The following ACSF3 variants were observed in gnomAD, a reference collection of about 807,000 sequenced individuals.
ACSF3 encodes malonate--CoA ligase ACSF3, mitochondrial.
ACSF3 carries 78 observed loss-of-function variants against 53.2 expected under a neutral mutation model. That is an observed-to-expected ratio of 1.47 (90% confidence interval 1.22 to 1.77). The LOEUF is 1.77. ACSF3 is among the 40% of genes most tolerant of loss of function. ACSF3 has a pLI of 0.00. For synonymous variants in ACSF3, 414 were observed against 333.1 expected (o/e 1.24, Z -2.65); for missense variants, 937 against 771.1 (o/e 1.22, Z -2.55).
rs993833558 is a variant in ACSF3 at position 89,104,382 on chromosome 16, C to T, written c.822+1623C>T. On this transcript the variant is annotated intron_variant, in intron 4 of 10. Coordinates refer to ENST00000614302, the MANE Select transcript of ACSF3 (RefSeq NM_001243279.3). ...GGGTTGTTCTGCAGGGCAGACGTCC[C>T]GGCCAGCAGAGGCACAGCCCTAAAG... is the stretch of plus-strand genomic sequence containing the variant. Among the ~76,000 whole-genome samples, 51 of 152,196 alleles carry T rather than the reference C, an allele frequency of 3.4e-4. 1 individual carries two copies. The highest frequency in any genetic ancestry group is 1.8e-4 in the Non-Finnish European group (12 of 68,034).
intron 4 of ACSF3, among the ~76,000 whole-genome samples, chr16:89,110,328 T>C (rs1976537171): frequency 6.6e-6 from 1 of 152,202 alleles, no homozygotes; most frequent in South Asian, 2.1e-4. Flanking sequence ...ATTTTGCATA[T>C]GGTGTGAGGT....
At chr16:89,113,005 T>G (rs1347867968) in intron 5 of ACSF3, among the ~76,000 whole-genome samples, 3 of 152,182 alleles carry the variant, frequency 2.0e-5, no homozygotes, top group Non-Finnish European at 4.4e-5. Context: ...GGGGCGTGTT[T>G]GCTCTGCACT....
chr16:89,121,980 G>T (rs1191139041), intron 7 of ACSF3, among the ~76,000 whole-genome samples: 1 of 152,106 alleles, frequency 6.6e-6, no homozygotes, highest in Admixed American at 6.5e-5. Context: ...TGTCCCGCCT[G>T]GCCTGGGCCC....
intron 6 of ACSF3, 116 bp downstream of exon 6, chr16:89,114,603 C>A: frequency 1.3e-6 from 2 of 1,489,990 alleles, no homozygotes; most frequent in East Asian, 2.3e-5. Context: ...GATGCTCCCC[C>A]GTGGGACAGG....
intron 8 of ACSF3, chr16:89,141,214 G>C (rs1335424245): frequency 7.8e-7 from 1 of 1,287,250 alleles, no homozygotes; most frequent in Middle Eastern, 3.3e-4. Flanking sequence ...CTTGATAGCA[G>C]CGTCCCAGCC....
At position 89,114,369 on chromosome 16, in the gene ACSF3, C is replaced by T. The variant is rs1304451793; in HGVS notation, c.1008C>T (p.Pro336=). 2 of 1,614,100 alleles carry T rather than the reference C, an allele frequency of 1.2e-6. No homozygotes were observed. Among genetic ancestry groups the T allele is most frequent in the Admixed American group, 1.7e-5 (1 of 60,030 alleles). Residue 336 remains proline (P), a synonymous_variant, in exon 6 of 11, where the codon CCC becomes CCT. Transcript: ENST00000614302. ...RLMVSGSAAL[P]LPVLEKWKNI... is the part of the protein sequence containing the mutation. ...TGGTCTCAGGCTCAGCTGCCCTGCCCCTCCCAGTGCTGGAGAAGTGGAAGA... is the reference window on the plus strand; with the variant it reads ...TGGTCTCAGGCTCAGCTGCCCTGCCTCTCCCAGTGCTGGAGAAGTGGAAGA...
At chr16:89,114,522 A>G in intron 6 of ACSF3, 35 bp downstream of exon 6, 3 of 1,607,034 alleles carry the variant, frequency 1.9e-6, no homozygotes, top group Non-Finnish European at 2.5e-6. Flanking sequence ...TTCCTCTTCC[A>G]CTGTGCTCTG....
Position 89,100,985 on chromosome 16 carries a change from T to C in ACSF3, c.304T>C (p.Cys102Arg), listed in dbSNP as rs1567684208. ...DLREERVSFL[C>R]ANDASYVVAQ... is the part of the protein sequence containing the mutation. ...CCGGGAGGAGAGGGTCTCCTTCCTA[T>C]GCGCTAACGATGCCTCCTACGTCGT... is the stretch of plus-strand genomic sequence containing the variant. The change falls in exon 3 of 11, where the codon TGC becomes CGC. Residue 102 changes from cysteine to arginine, a missense_variant. Physicochemically the swap from Cys to Arg is radical, Grantham distance 180. Coordinates refer to ENST00000614302, the MANE Select transcript of ACSF3 (RefSeq NM_001243279.3). 2 of 1,613,546 alleles carry C rather than the reference T, an allele frequency of 1.2e-6. No individual in the cohort carries two copies. The highest frequency in any genetic ancestry group is 1.7e-6 in the Non-Finnish European group (2 of 1,179,734).
intron 6 of ACSF3, 117 bp downstream of exon 6, chr16:89,114,604 G>T: frequency 8.1e-6 from 12 of 1,482,640 alleles, no homozygotes; most frequent in Non-Finnish European, 1.0e-5. Flanking sequence ...ATGCTCCCCC[G>T]TGGGACAGGC....
intron 8 of ACSF3, among the ~76,000 whole-genome samples, chr16:89,142,287 G>A (rs1042048608): frequency 8.5e-5 from 13 of 152,132 alleles, no homozygotes; most frequent in Admixed American, 1.3e-4. Flanking sequence ...GAAGCATCTC[G>A]GGGCAGAGGC....
Position 89,105,910 on chromosome 16 carries a change from C to T in ACSF3, c.822+3151C>T, listed in dbSNP as rs1975922250. On this transcript the variant is annotated intron_variant, in intron 4 of 10. Coordinates refer to ENST00000614302, the MANE Select transcript of ACSF3 (RefSeq NM_001243279.3). ...AGAGGCAGGTGGGTGTGGGTGCTGG[C>T]GCAGGCCAGCTGTCAAGGATCTGGG... Among the ~76,000 whole-genome samples, 5 of 152,326 alleles carry T rather than the reference C, an allele frequency of 3.3e-5. No homozygotes were observed. In the South Asian group the frequency reaches 6.2e-4, roughly 19 times the overall value.
At position 89,099,558 on chromosome 16, in the gene ACSF3, A is replaced by G. The variant is rs541936038; in HGVS notation, c.-21+795A>G. Among the ~76,000 whole-genome samples the G allele has an allele frequency of 1.1e-3, 171 of 152,254 alleles. 2 individuals carry two copies. Among genetic ancestry groups the G allele is most frequent in the African/African-American group, 3.7e-3 (155 of 41,544 alleles). On this transcript the variant is annotated intron_variant, in intron 2 of 10. Transcript: ENST00000614302. The stretch of plus-strand genomic sequence containing the variant: ...CACTTTGGGAGGCCAAGGTGAGTGG[A>G]TCACCGGAGGTCAGGAGTTGGAGAC...
chr16:89,104,400 C>T (rs1446400786), intron 4 of ACSF3, among the ~76,000 whole-genome samples: 1 of 152,190 alleles, frequency 6.6e-6, no homozygotes, highest in East Asian at 1.9e-4. Flanking sequence ...AGAGGCACAG[C>T]CCTAAAGCCC....
intron 8 of ACSF3, among the ~76,000 whole-genome samples, chr16:89,137,224 CCAGGGAT>C (rs1226761985): frequency 9.2e-5 from 14 of 152,090 alleles, no homozygotes; most frequent in Admixed American, 3.9e-4. Context: ...TAGAGAAGAG[CCAGGGAT>C]CCCGGGAGGA....
chr16:89,150,355 T>C (rs1913861840), intron 10 of ACSF3: 1 of 152,684 alleles, frequency 6.5e-6, no homozygotes, highest in African/African-American at 2.4e-5. Flanking sequence ...CAGCTGCTGC[T>C]TTCATTAAAC....
chr16:89,145,604 C>T (rs1223415199), intron 9 of ACSF3, among the ~76,000 whole-genome samples: 2 of 152,230 alleles, frequency 1.3e-5, no homozygotes, highest in African/African-American at 4.8e-5. Context: ...CCACTGACCC[C>T]GTGCCCACCA....
chr16:89,145,196 A>G lies in ACSF3; in HGVS notation c.1367-71A>G, dbSNP rs766946138. The G allele has an allele frequency of 1.9e-6, 3 of 1,613,612 alleles. No individual in the cohort carries two copies. In the South Asian group the frequency reaches 3.3e-5, roughly 18 times the overall value. On this transcript the variant is annotated intron_variant, in intron 8 of 10. Transcript: ENST00000614302. ...GGTGTTTAAGGACGGCCAGTTAACC[A>G]GAGCCCCTTTTCCTCAGGGGACACC... is the stretch of plus-strand genomic sequence containing the variant.
chr16:89,095,591 A>G (rs1974515477), intron 1 of ACSF3, among the ~76,000 whole-genome samples: 1 of 62,754 alleles, frequency 1.6e-5, no homozygotes. Context: ...CACTTCAAAC[A>G]CAAGGTCTGG....
intron 4 of ACSF3, among the ~76,000 whole-genome samples, chr16:89,106,586 C>T (rs556393967): frequency 6.6e-6 from 1 of 152,200 alleles, no homozygotes; most frequent in African/African-American, 2.4e-5. Flanking sequence ...GCCACTATGC[C>T]CAGCTGAAAA....
Sources: gnomAD v4.1 joint callset for allele counts (sites outside exome capture counted in the v4.1 genomes callset) on GRCh38, gnomAD v4.1.1 for gene constraint, MANE v1.5 for transcripts, NCBI Gene and HGNC (gene_info 2026-07-23, HGNC 2026-07-21) for gene names.